The following CSMD1 variants were observed in gnomAD, a reference collection of about 807,000 sequenced individuals.
CSMD1 encodes CUB and Sushi multiple domains 1, also known as CUB and sushi domain-containing protein 1.
CSMD1 carries 213 observed loss-of-function variants against 417.5 expected under a neutral mutation model. The observed-to-expected ratio is 0.51, with a 90% CI of 0.46 to 0.57. The LOEUF (loss-of-function observed/expected upper bound fraction) is 0.57, where lower values mean the gene tolerates loss of function less well. Among genes scored for constraint, CSMD1 ranks in the 20% least tolerant of loss-of-function variants. The probability of loss-of-function intolerance (pLI) is 0.00; values close to 1 mark genes in which losing one functional copy is unlikely to be tolerated. For synonymous variants in CSMD1, 2,862 were observed against 1,736.8 expected, an observed-to-expected ratio of 1.65 and a Z score of -16.11; for missense variants, 6,923 against 4,529.7, an observed-to-expected ratio of 1.53 and a Z score of -15.17.
intron 3 of CSMD1, among the ~76,000 whole-genome samples, chr8:4,245,257 G>A (rs142287107): frequency 1.7e-4 from 26 of 152,198 alleles, no homozygotes; most frequent in East Asian, 5.8e-4. Context: ...CCTGCATTAC[G>A]CAATGAATTA....
At chr8:4,902,452 G>C (rs74321058) in intron 1 of CSMD1, among the ~76,000 whole-genome samples, 1 of 150,944 alleles carries the variant, frequency 6.6e-6, no homozygotes, top group African/African-American at 2.4e-5. Context: ...AAAAAGAAAG[G>C]AAACTACTCT....
At chr8:4,442,113 C>G (rs1293174022) in intron 2 of CSMD1, among the ~76,000 whole-genome samples, 1 of 152,130 alleles carries the variant, frequency 6.6e-6, no homozygotes, top group Non-Finnish European at 1.5e-5. Context: ...TGCTTATCTC[C>G]TCCCACTCTT....
chr8:4,269,900 C>G (rs979362659), intron 3 of CSMD1, among the ~76,000 whole-genome samples: 1 of 152,090 alleles, frequency 6.6e-6, no homozygotes, highest in Non-Finnish European at 1.5e-5. Flanking sequence ...TTACAGAATT[C>G]CATTACAGAT....
intron 26 of CSMD1, among the ~76,000 whole-genome samples, chr8:3,279,577 T>G (rs1307574393): frequency 1.3e-5 from 2 of 152,122 alleles, no homozygotes; most frequent in African/African-American, 4.8e-5. Flanking sequence ...GTTTGGAAAT[T>G]CTAGGAAGAA....
chr8:4,591,921 G>A (rs529558380), intron 2 of CSMD1, among the ~76,000 whole-genome samples: 1 of 152,210 alleles, frequency 6.6e-6, no homozygotes, highest in East Asian at 1.9e-4. Context: ...AGGGACTTCA[G>A]GAGATCGGAG....
chr8:4,562,419 T>G (rs1044587528), intron 2 of CSMD1, among the ~76,000 whole-genome samples: 1 of 152,212 alleles, frequency 6.6e-6, no homozygotes, highest in African/African-American at 2.4e-5. Context: ...ATTTTAATTC[T>G]TTAATCAGAA....
At chr8:4,390,515 T>TTATTTATTTATTTATTTATG (rs1803776170) in intron 3 of CSMD1, among the ~76,000 whole-genome samples, 1 of 149,024 alleles carries the variant, frequency 6.7e-6, no homozygotes, top group South Asian at 2.1e-4. Context: ...ATTTATTTAT[T>TTATTTATTTATTTATTTATG]TATTTATTTA....
chr8:4,963,190 CTTTAT>C (rs1809626595), intron 1 of CSMD1, among the ~76,000 whole-genome samples: 1 of 152,026 alleles, frequency 6.6e-6, no homozygotes, highest in African/African-American at 2.4e-5. Flanking sequence ...CCTTCATTCA[CTTTAT>C]TTATTTACTT....
chr8:4,583,546 AAC>A (rs1426771814), intron 2 of CSMD1, among the ~76,000 whole-genome samples: 16 of 151,702 alleles, frequency 1.1e-4, no homozygotes, highest in African/African-American at 3.9e-4. Flanking sequence ...AAGGTTTGTA[AAC>A]ACACCAATCA....
In CSMD1 at chr8:4,216,687, A is replaced by G. The variant is rs145484253; in HGVS notation, c.416-184588T>C. 6.1e-3 allele frequency among the ~76,000 whole-genome samples: 936 copies of G among 152,246 alleles called. 8 individuals are homozygous for G. Among genetic ancestry groups the G allele is most frequent in the African/African-American group, 0.021 (887 of 41,540 alleles). On this transcript the variant is annotated intron_variant, in intron 3 of 69. Transcript: ENST00000635120. ...AGTGAAGGGAAGCTTCTCATGTTTC[A>G]TGTAAGCACCAGTCATCTAGGAGGA...
chr8:4,705,245 G>C (rs867115460), intron 1 of CSMD1, among the ~76,000 whole-genome samples: 2 of 152,134 alleles, frequency 1.3e-5, no homozygotes, highest in South Asian at 2.1e-4. Flanking sequence ...AAATTTCCCA[G>C]TCTCTGGTAT....
chr8:4,329,209 C>T (rs117173251), intron 3 of CSMD1, among the ~76,000 whole-genome samples: 2,842 of 152,244 alleles, frequency 0.019, 44 homozygotes, highest in Non-Finnish European at 0.031. Flanking sequence ...GTTTCCAATA[C>T]AAATTATTTG....
chr8:4,469,931 G>A (rs1447400215), intron 2 of CSMD1, among the ~76,000 whole-genome samples: 3 of 148,970 alleles, frequency 2.0e-5, no homozygotes, highest in East Asian at 2.0e-4. Flanking sequence ...GCAGTGGTGT[G>A]ATCTCGGCTC....
intron 1 of CSMD1, among the ~76,000 whole-genome samples, chr8:4,705,536 C>G (rs146930855): frequency 9.5e-4 from 144 of 152,284 alleles, no homozygotes; most frequent in African/African-American, 2.6e-3. Context: ...TCTCTTTACC[C>G]CTAGATTCTA....
Position 3,996,730 on chromosome 8 carries a change from ATT to A in CSMD1, c.818+1171_818+1172del, listed in dbSNP as rs559356883. Reference sequence around the variant, plus strand: ...TGAAAACAAAGACAATCTAGGTAGAATTTGTTTGGTTTCTTCCTCCCTCCTAT... The same window carrying A: ...TGAAAACAAAGACAATCTAGGTAGAATGTTTGGTTTCTTCCTCCCTCCTAT... On this transcript the variant is annotated intron_variant, in intron 5 of 69. Coordinates refer to ENST00000635120, the MANE Select transcript of CSMD1 (RefSeq NM_033225.6). Among the ~76,000 whole-genome samples the A allele has an allele frequency of 6.4e-3, 974 of 152,330 alleles. 6 individuals are homozygous for A. The highest frequency in any genetic ancestry group is 9.6e-3 in the Non-Finnish European group (655 of 68,032).
At chr8:3,027,614 C>T (rs545540322) in intron 51 of CSMD1, among the ~76,000 whole-genome samples, 3 of 152,284 alleles carry the variant, frequency 2.0e-5, no homozygotes, top group South Asian at 2.1e-4. Flanking sequence ...TAGAACAGCT[C>T]GTGCCCAGCC....
At chr8:3,757,692 G>C (rs1001872460) in intron 5 of CSMD1, among the ~76,000 whole-genome samples, 6 of 151,910 alleles carry the variant, frequency 3.9e-5, no homozygotes, top group Non-Finnish European at 8.8e-5. Context: ...GTGAAACCCT[G>C]TCTCTACTTA....
At chr8:4,040,816 G>A (rs996744430) in intron 3 of CSMD1, among the ~76,000 whole-genome samples, 3 of 152,084 alleles carry the variant, frequency 2.0e-5, no homozygotes, top group Admixed American at 6.5e-5. Context: ...TTAATAGCAC[G>A]TGAAAGACTT....
chr8:3,405,478 A>T (rs1489642690), intron 15 of CSMD1, among the ~76,000 whole-genome samples: 3 of 152,208 alleles, frequency 2.0e-5, no homozygotes, highest in Non-Finnish European at 2.9e-5. Flanking sequence ...CATAAGCAAC[A>T]CTGTTATAGG....
Sources: gnomAD v4.1 joint callset for allele counts (sites outside exome capture counted in the v4.1 genomes callset) on GRCh38, gnomAD v4.1.1 for gene constraint, MANE v1.5 for transcripts, NCBI Gene and HGNC (gene_info 2026-07-23, HGNC 2026-07-21) for gene names.